Variants in TLN2 observed in about 807,000 individuals in gnomAD.
TLN2 encodes talin 2.
Under a neutral mutation model 294.7 loss-of-function variants are expected in TLN2, and 118 were observed. The observed-to-expected ratio is 0.40, with a 90% CI of 0.34 to 0.47. The LOEUF (loss-of-function observed/expected upper bound fraction) is 0.47. TLN2 is among the 20% of genes least tolerant of loss of function. The probability of loss-of-function intolerance (pLI) is 0.84; values close to 1 mark genes in which losing one functional copy is unlikely to be tolerated. For synonymous variants in TLN2, 1,431 were observed against 1,304.5 expected (o/e 1.10, Z -2.09); for missense variants, 3,083 against 3,282.2 (o/e 0.94, Z 1.48).
At chr15:62,696,396 A>T (rs1430124106) in intron 14 of TLN2, among the ~76,000 whole-genome samples, 2 of 152,346 alleles carry the variant, frequency 1.3e-5, no homozygotes, top group East Asian at 1.9e-4. Flanking sequence ...TCATTCTAAG[A>T]CAATATGAAG....
intron 3 of TLN2, 51 bp from the exon 4 acceptor site, chr15:62,647,224 A>G: frequency 6.7e-7 from 1 of 1,484,666 alleles, no homozygotes; most frequent in South Asian, 1.4e-5. Context: ...TTTTTTCCCC[A>G]AGACAAATTA....
intron 37 of TLN2, among the ~76,000 whole-genome samples, chr15:62,760,098 C>T (rs1036516010): frequency 3.3e-5 from 5 of 152,068 alleles, no homozygotes; most frequent in Non-Finnish European, 5.9e-5. Context: ...AAGAAGTAGC[C>T]GGCGTGCAAG....
At chr15:62,714,237 C>A (rs1232954634) in intron 22 of TLN2, among the ~76,000 whole-genome samples, 2 of 115,832 alleles carry the variant, frequency 1.7e-5, no homozygotes, top group African/African-American at 3.3e-5. Context: ...GAGTCTCACT[C>A]TGTCACCCAG....
intron 1 of TLN2, among the ~76,000 whole-genome samples, chr15:62,504,846 T>TGTGTGTGTGTGTGTGTGA (rs1207922838): frequency 9.7e-5 from 14 of 144,480 alleles, no homozygotes; most frequent in African/African-American, 2.9e-4. Context: ...TGTGTGTGTG[T>TGTGTGTGTGTGTGTGTGA]GAGAGAGAGA....
intron 1 of TLN2, among the ~76,000 whole-genome samples, chr15:62,414,786 G>C (rs2033981844): frequency 7.1e-6 from 1 of 141,406 alleles, no homozygotes; most frequent in Admixed American, 7.7e-5. Flanking sequence ...TCCAAGGTCT[G>C]GCTGGACGGA....
chr15:62,709,262 C>T (rs1418422858), intron 21 of TLN2, among the ~76,000 whole-genome samples: 4 of 152,160 alleles, frequency 2.6e-5, no homozygotes, highest in Non-Finnish European at 5.9e-5. Flanking sequence ...AGACCATGGC[C>T]TTTATTGGAG....
chr15:62,654,856 C>T (rs927744354), intron 7 of TLN2, among the ~76,000 whole-genome samples: 15 of 151,158 alleles, frequency 9.9e-5, no homozygotes, highest in African/African-American at 3.4e-4. Flanking sequence ...CAGCACGTAA[C>T]CCCATGTGTC....
chr15:62,782,211 A>G (rs377347249), intron 44 of TLN2, among the ~76,000 whole-genome samples: 33 of 152,190 alleles, frequency 2.2e-4, no homozygotes, highest in African/African-American at 8.0e-4. Context: ...TTGGACCACA[A>G]AGTCATCCCT....
chr15:62,498,364 A>T (rs1266089846), intron 1 of TLN2, among the ~76,000 whole-genome samples: 4 of 152,130 alleles, frequency 2.6e-5, no homozygotes, highest in African/African-American at 9.7e-5. Flanking sequence ...TCGATCCTTG[A>T]GTAGTCACTG....
At chr15:62,397,185 T>C (rs904721236) in intron 1 of TLN2, among the ~76,000 whole-genome samples, 4 of 152,228 alleles carry the variant, frequency 2.6e-5, no homozygotes, top group Non-Finnish European at 5.9e-5. Flanking sequence ...GAAATCTTGA[T>C]AGAATGATGA....
Position 62,841,387 on chromosome 15 carries a change from C to T in TLN2, c.*777C>T, listed in dbSNP as rs1221029044. 1.3e-5 allele frequency: 2 copies of T among 152,258 alleles called. No individual in the cohort carries two copies. The highest frequency in any genetic ancestry group is 2.9e-5 in the Non-Finnish European group (2 of 68,068). The allele number at this position is 152,258 out of a possible 1,614,324, so 9.4% of individuals were successfully genotyped here. A position where few individuals can be genotyped will look rare whatever the true frequency, so the allele number is the denominator to read the frequency against. On this transcript the variant is annotated 3_prime_UTR_variant, in exon 59 of 59. Transcript: ENST00000636159. ...GTTTCAGCTCACACAGAGTCATCCA[C>T]ACAAACCCACGGCTCCCAGTTGACA...
intron 1 of TLN2, among the ~76,000 whole-genome samples, chr15:62,576,403 G>A (rs2140666031): frequency 6.6e-6 from 1 of 152,264 alleles, no homozygotes; most frequent in South Asian, 2.1e-4. Context: ...TGAGGGGATA[G>A]CAGTGGACCC....
intron 11 of TLN2, among the ~76,000 whole-genome samples, chr15:62,676,078 G>A (rs2056153352): frequency 6.6e-6 from 1 of 152,178 alleles, no homozygotes; most frequent in African/African-American, 2.4e-5. Flanking sequence ...GCAAATGGAA[G>A]CAAACCAGCC....
Position 62,797,255 on chromosome 15 carries a change from A to C in TLN2, c.6087A>C (p.Glu2029Asp), listed in dbSNP as rs1405382209. 2 of 1,614,036 alleles carry C rather than the reference A, an allele frequency of 1.2e-6. No individual in the cohort carries two copies. The highest frequency in any genetic ancestry group is 1.7e-6 in the Non-Finnish European group (2 of 1,180,020). ...NILKTAKALV[E>D]DTKLLVSGAA... Reference sequence around the variant, plus strand: ...TCAAGACGGCCAAGGCCTTGGTAGAAGACACGAAACTACTTGTGTCAGGAG... The same window carrying C: ...TCAAGACGGCCAAGGCCTTGGTAGACGACACGAAACTACTTGTGTCAGGAG... The change falls in exon 48 of 59, where the codon GAA becomes GAC. Residue 2029 changes from glutamate (E) to aspartate (D), a missense_variant. Coordinates refer to ENST00000636159, the MANE Select transcript of TLN2 (RefSeq NM_015059.3).
In TLN2 at chr15:62,717,667, A is replaced by G; in HGVS notation, c.2855A>G (p.Gln952Arg). Residue 952 changes from glutamine to arginine, a missense_variant, in exon 24 of 59, where the codon CAG becomes CGG. Physicochemically the swap from Gln to Arg is conservative, Grantham distance 43. Coordinates refer to ENST00000636159, the MANE Select transcript of TLN2 (RefSeq NM_015059.3). ...TCCAACAAGAACCCTGCGGCCCAGC[A>G]GCAGCTGGTCCAGAGTTGCAAGGTG... ...AVSNKNPAAQQQLVQSCKAVA... is the reference protein window; with the variant it reads ...AVSNKNPAAQRQLVQSCKAVA... 1 of 1,599,244 alleles carries G rather than the reference A, an allele frequency of 6.3e-7. No homozygotes were observed. Among genetic ancestry groups the G allele is most frequent in the Non-Finnish European group, 8.5e-7 (1 of 1,173,778 alleles).
At chr15:62,542,419 T>C (rs2041747642) in intron 1 of TLN2, among the ~76,000 whole-genome samples, 1 of 152,204 alleles carries the variant, frequency 6.6e-6, no homozygotes, top group Admixed American at 6.5e-5. Flanking sequence ...CTCGATCTCC[T>C]GACCTCTTGA....
intron 1 of TLN2, among the ~76,000 whole-genome samples, chr15:62,438,850 A>G (rs1336800652): frequency 6.6e-6 from 1 of 152,162 alleles, no homozygotes; most frequent in Non-Finnish European, 1.5e-5. Flanking sequence ...GCAGGCCTCA[A>G]CAGTTGGATC....
intron 32 of TLN2, among the ~76,000 whole-genome samples, chr15:62,745,197 G>GT (rs2061547430): frequency 6.6e-6 from 1 of 152,088 alleles, no homozygotes; most frequent in African/African-American, 2.4e-5. Flanking sequence ...TAGATCCCAA[G>GT]TTTTTTAGAA....
At chr15:62,564,413 T>C (rs2043217561) in intron 1 of TLN2, among the ~76,000 whole-genome samples, 1 of 152,168 alleles carries the variant, frequency 6.6e-6, no homozygotes, top group Non-Finnish European at 1.5e-5. Context: ...TTTCACACAT[T>C]GGTGGCAAGA....
Sources: allele counts gnomAD v4.1 joint callset (sites outside exome capture counted in the v4.1 genomes callset), GRCh38; gene constraint gnomAD v4.1.1; transcripts MANE v1.5; gene names NCBI Gene and HGNC (gene_info 2026-07-23, HGNC 2026-07-21).